PLAA: variants seen among roughly 807,000 people sequenced by gnomAD.
PLAA encodes phospholipase A-2-activating protein.
In PLAA, 48 loss-of-function variants were observed where a neutral mutation model predicts 84.1. That is an observed-to-expected ratio of 0.57 (90% CI 0.45 to 0.73). The LOEUF (loss-of-function observed/expected upper bound fraction) is 0.73. Among genes scored for constraint, PLAA ranks in the 30% least tolerant of loss-of-function variants. The pLI is 0.00. For missense variants in PLAA, 903 were observed against 954.7 expected, an observed-to-expected ratio of 0.95 and a Z score of 0.71; for synonymous variants, 392 against 336.6, an observed-to-expected ratio of 1.16 and a Z score of -1.80.
At chr9:26,915,711 T>C (rs1824528316) in intron 10 of PLAA, 1 of 984,904 alleles carries the variant, frequency 1.0e-6, no homozygotes, top group Non-Finnish European at 1.2e-6. Flanking sequence ...TATGCTATCT[T>C]GCATATCTAC....
chr9:26,928,374 T>G lies in PLAA; in HGVS notation c.378A>C (p.Leu126Phe). The change falls in exon 3 of 14, where the codon TTA becomes TTC. Residue 126 changes from leucine to phenylalanine, a missense_variant. By Grantham distance (22) the Leu-to-Phe change is conservative. Transcript: ENST00000397292. ...CSLSSGKFGT[L>F]LSGSWDTTAK... ...CAGTGGTGTCCCATGAACCACTAAG[T>G]AATGTCCCAAATTTTCCAGATGATA... is the stretch of plus-strand genomic sequence containing the variant. 6.2e-7 allele frequency: 1 copy of G among 1,613,800 alleles called. No homozygotes were observed. Among genetic ancestry groups the G allele is most frequent in the African/African-American group, 1.3e-5 (1 of 75,050 alleles).
Position 26,907,956 on chromosome 9 carries a change from T to C in PLAA, c.1700A>G (p.Lys567Arg). ...AAGTATCAAGTCATCCTCAGTTAACTTCTTCTCTTCAGGTGCAGTTCCATT... is the reference window on the plus strand; with the variant it reads ...AAGTATCAAGTCATCCTCAGTTAACCTCTTCTCTTCAGGTGCAGTTCCATT... Reference protein sequence around the residue: ...ELNGTAPEEKKLTEDDLILLE... With the variant: ...ELNGTAPEEKRLTEDDLILLE... The change falls in exon 13 of 14, where the codon AAG (lysine) becomes AGG (arginine). Residue 567 changes from lysine (K) to arginine (R), a missense_variant. Lys to Arg is a conservative substitution (Grantham distance 26). Transcript: ENST00000397292. 1 of 1,608,304 alleles carries C rather than the reference T, an allele frequency of 6.2e-7. No homozygotes were observed. The highest frequency in any genetic ancestry group is 8.5e-7 in the Non-Finnish European group (1 of 1,178,670).
chr9:26,938,688 T>C (rs1025826460), intron 1 of PLAA, among the ~76,000 whole-genome samples: 1 of 150,314 alleles, frequency 6.7e-6, no homozygotes, highest in Non-Finnish European at 1.5e-5. Flanking sequence ...TATGAAGAAA[T>C]AAAGATCTCA....
intron 1 of PLAA, among the ~76,000 whole-genome samples, chr9:26,946,524 AAAAG>A (rs1404613996): frequency 6.6e-6 from 1 of 152,118 alleles, no homozygotes; most frequent in African/African-American, 2.4e-5. Context: ...AAAAAAAAAA[AAAAG>A]AGGACATTTC....
chr9:26,919,192 C>T, intron 9 of PLAA, 118 bp downstream of exon 9: 1 of 558,606 alleles, frequency 1.8e-6, no homozygotes, highest in South Asian at 3.0e-5. Flanking sequence ...TGAAGTAAAA[C>T]CCTGCTGTAG....
At chr9:26,935,229 AG>A in intron 1 of PLAA, 23 bp from the exon 2 acceptor site, 1 of 1,479,458 alleles carries the variant, frequency 6.8e-7, no homozygotes, top group Non-Finnish European at 9.1e-7. Context: ...GATAATTAAT[AG>A]ATACATATTC....
chr9:26,941,188 TG>T (rs1666741182), intron 1 of PLAA, among the ~76,000 whole-genome samples: 1 of 109,740 alleles, frequency 9.1e-6, no homozygotes, highest in African/African-American at 3.5e-5. Flanking sequence ...ACACGGGGGG[TG>T]GGGGAGGGAT....
rs754016270 is a variant in PLAA, at chr9:26,917,157, G to T, written c.1426C>A (p.Arg476=). Reference sequence around the variant, plus strand: ...GATCCCGAAGAGCCCGGAACATACCGACCACCACCTGTGCATGCAAAATAA... The same window carrying T: ...GATCCCGAAGAGCCCGGAACATACCTACCACCACCTGTGCATGCAAAATAA... ...SFSDPFTGGG[R]YVPGSSGSSN... Residue 476 remains arginine, a synonymous_variant, in exon 10 of 14, where the codon CGG becomes AGG. Coordinates refer to ENST00000397292, the MANE Select transcript of PLAA (RefSeq NM_001031689.3). 2 of 1,613,646 alleles carry T rather than the reference G, an allele frequency of 1.2e-6. No individual in the cohort carries two copies. The highest frequency in any genetic ancestry group is 1.7e-4 in the Middle Eastern group (1 of 6,058).
intron 1 of PLAA, among the ~76,000 whole-genome samples, chr9:26,939,712 T>G (rs373704204): frequency 6.6e-6 from 1 of 151,986 alleles, no homozygotes; most frequent in African/African-American, 2.4e-5. Flanking sequence ...AAACAGGATA[T>G]TCCATGAAAA....
In PLAA at chr9:26,923,235, C is replaced by A; in HGVS notation, c.982G>T (p.Asp328Tyr). 6.2e-7 allele frequency: 1 copy of A among 1,613,486 alleles called. No homozygotes were observed. Among genetic ancestry groups the A allele is most frequent in the Non-Finnish European group, 8.5e-7 (1 of 1,179,560 alleles). ...TGCTCAGCATTGATGTCCCCTAAAT[C>A]GCCAGTTTTAGAATCAATGGTTGCG... ...SHATIDSKTG[D>Y]LGDINAEQLP... Residue 328 changes from aspartate (D) to tyrosine (Y), a missense_variant, in exon 7 of 14, where the codon GAT (aspartate) becomes TAT (tyrosine). Coordinates refer to ENST00000397292, the MANE Select transcript of PLAA (RefSeq NM_001031689.3).
chr9:26,925,719 G>C (rs1256612581), intron 6 of PLAA, 106 bp downstream of exon 6: 2 of 897,756 alleles, frequency 2.2e-6, no homozygotes, highest in South Asian at 3.2e-5. Flanking sequence ...TGTCCATATA[G>C]TCTCCTCAAG....
chr9:26,915,082 C>T (rs113576208), intron 10 of PLAA, among the ~76,000 whole-genome samples: 7,370 of 152,070 alleles, frequency 0.048, 211 homozygotes, highest in South Asian at 0.098. Context: ...CATGGTGGCA[C>T]ATGCCTGTAA....
Position 26,947,075 on chromosome 9 carries a change from A to T in PLAA, c.-30T>A, listed in dbSNP as rs752732001. Reference sequence around the variant, plus strand: ...AGTGTCTGTCTGGCGCCCGGTGCCCAGGCACTGTGCGAGACCAGTCCGCAG... The same window carrying T: ...AGTGTCTGTCTGGCGCCCGGTGCCCTGGCACTGTGCGAGACCAGTCCGCAG... On this transcript the variant is annotated 5_prime_UTR_variant, in exon 1 of 14. Coordinates refer to ENST00000397292, the MANE Select transcript of PLAA (RefSeq NM_001031689.3). 2.6e-6 allele frequency: 4 copies of T among 1,543,878 alleles called. No individual in the cohort carries two copies.
chr9:26,910,315 ATAAAT>A lies in PLAA; in HGVS notation c.1657+18_1657+22del. 2 of 1,538,752 alleles carry A rather than the reference ATAAAT, an allele frequency of 1.3e-6. No homozygotes were observed. The highest frequency in any genetic ancestry group is 1.8e-6 in the Non-Finnish European group (2 of 1,111,928). On this transcript the variant is annotated intron_variant, in intron 12 of 13. Coordinates refer to ENST00000397292, the MANE Select transcript of PLAA (RefSeq NM_001031689.3). ...TCTCAAACAGTCTGTGAATATGTGA[ATAAAT>A]TAATTAAAGAAACTTACCTAATATT... is the stretch of plus-strand genomic sequence containing the variant.
At chr9:26,925,734 G>A (rs1563913419) in intron 6 of PLAA, 91 bp downstream of exon 6, 3 of 1,135,226 alleles carry the variant, frequency 2.6e-6, no homozygotes, top group African/African-American at 1.6e-5. Flanking sequence ...CTCAAGTCAC[G>A]TGAAATTCCT....
At chr9:26,946,768 A>G in intron 1 of PLAA, 129 bp downstream of exon 1, 1 of 1,062,176 alleles carries the variant, frequency 9.4e-7, no homozygotes, top group African/African-American at 1.6e-5. Flanking sequence ...GAGAATTGGA[A>G]GGGAGCGGAG....
chr9:26,925,881 A>T lies in PLAA; in HGVS notation c.813T>A (p.Ala271=), dbSNP rs764648988. Residue 271 remains alanine (A), a synonymous_variant, in exon 6 of 14, where the codon GCT becomes GCA. Transcript: ENST00000397292. ...GECAQTIRLP[A]QSIWCCCVLD... ...GCACACAGCAGCACCATATAGACTG[A>T]GCTGGAAGTCGGATAGTTTGAGCAC... is the stretch of plus-strand genomic sequence containing the variant. The T allele has an allele frequency of 2.5e-6, 4 of 1,613,738 alleles. No homozygotes were observed. In the East Asian group the frequency reaches 8.9e-5, roughly 36 times the overall value.
At chr9:26,916,300 G>A in intron 10 of PLAA, 1 of 985,356 alleles carries the variant, frequency 1.0e-6, no homozygotes, top group Non-Finnish European at 1.2e-6. Flanking sequence ...ATACTGTCGA[G>A]GAACTCTGTC....
rs771441156 is a variant in PLAA, at chr9:26,928,197, C to T, written c.468G>A (p.Ala156=). ...TLQGHTAAVW[A]VKILPEQGLM... is the part of the protein sequence containing the mutation. ...AGCCCTGTTCAGGTAAGATCTTTAC[C>T]GCCCACACTGCAGCTGTATGACCCT... Residue 156 remains alanine, a synonymous_variant, in exon 4 of 14, where the codon GCG becomes GCA. Coordinates refer to ENST00000397292, the MANE Select transcript of PLAA (RefSeq NM_001031689.3). 19 of 1,613,956 alleles carry T rather than the reference C, an allele frequency of 1.2e-5. No homozygotes were observed. The African/African-American group carries it at 1.5e-4, about 12-fold the overall frequency.
Sources: allele counts gnomAD v4.1 joint callset (sites outside exome capture counted in the v4.1 genomes callset), GRCh38; gene constraint gnomAD v4.1.1; transcripts MANE v1.5; gene names NCBI Gene and HGNC (gene_info 2026-07-23, HGNC 2026-07-21).